PAN3: variants seen among roughly 807,000 people sequenced by gnomAD.
PAN3 encodes the protein poly(A) specific ribonuclease subunit PAN3.
In PAN3, 19 loss-of-function variants were observed where a neutral mutation model predicts 96.2. That is an observed-to-expected ratio of 0.20 (90% confidence interval 0.14 to 0.29). The LOEUF (loss-of-function observed/expected upper bound fraction) is 0.29. PAN3 is among the 10% of genes least tolerant of loss of function. The pLI is 1.00. For missense variants in PAN3, 882 were observed against 1,108.1 expected (o/e 0.80, Z 2.90); for synonymous variants, 433 against 406.6 (o/e 1.06, Z -0.78).
At chr13:28,285,554 A>T (rs571047713) in intron 17 of PAN3, among the ~76,000 whole-genome samples, 4 of 152,290 alleles carry the variant, frequency 2.6e-5, no homozygotes, top group South Asian at 4.1e-4. Flanking sequence ...TTAATCTTGG[A>T]AACTTAACGT....
chr13:28,220,991 T>A (rs1426607529), intron 6 of PAN3, among the ~76,000 whole-genome samples: 1 of 152,134 alleles, frequency 6.6e-6, no homozygotes, highest in East Asian at 1.9e-4. Context: ...ACAGAACAAT[T>A]TGGGCAAATG....
intron 6 of PAN3, among the ~76,000 whole-genome samples, chr13:28,253,879 CT>C (rs1884936159): frequency 6.6e-6 from 1 of 152,176 alleles, no homozygotes; most frequent in African/African-American, 2.4e-5. Flanking sequence ...ATTTAGAATT[CT>C]TAAGAGAACT....
intron 4 of PAN3, among the ~76,000 whole-genome samples, chr13:28,194,789 G>GTA (rs1408591303): frequency 6.6e-6 from 1 of 151,892 alleles, no homozygotes; most frequent in East Asian, 1.9e-4. Flanking sequence ...TTTTAAATTA[G>GTA]TAAGTGTCTA....
At chr13:28,260,601 A>G in intron 8 of PAN3, 50 bp downstream of exon 8, 1 of 1,411,698 alleles carries the variant, frequency 7.1e-7, no homozygotes, top group South Asian at 1.2e-5. Context: ...CCTGTGCTTT[A>G]GTGAACAGGG....
intron 5 of PAN3, among the ~76,000 whole-genome samples, chr13:28,200,515 C>G (rs1473700200): frequency 6.6e-6 from 1 of 152,188 alleles, no homozygotes; most frequent in African/African-American, 2.4e-5. Context: ...TGCATTTATT[C>G]TCTTCAGTGC....
intron 4 of PAN3, among the ~76,000 whole-genome samples, chr13:28,189,561 A>G (rs1876955083): frequency 6.6e-6 from 1 of 152,086 alleles, no homozygotes; most frequent in South Asian, 2.1e-4. Flanking sequence ...CAGTGTTAAG[A>G]TCAAGCTCCA....
chr13:28,232,137 A>G (rs1357460492), intron 6 of PAN3, among the ~76,000 whole-genome samples: 2 of 152,198 alleles, frequency 1.3e-5, no homozygotes, highest in African/African-American at 4.8e-5. Context: ...CTTTATTTGT[A>G]ATATCTTTGT....
At chr13:28,158,938 T>C (rs972384535) in intron 1 of PAN3, among the ~76,000 whole-genome samples, 3 of 150,540 alleles carry the variant, frequency 2.0e-5, no homozygotes, top group Non-Finnish European at 2.9e-5. Flanking sequence ...CAAAACCACA[T>C]TGAGATACCA....
At chr13:28,268,435 C>T (rs1886360581) in intron 12 of PAN3, among the ~76,000 whole-genome samples, 1 of 151,944 alleles carries the variant, frequency 6.6e-6, no homozygotes, top group African/African-American at 2.4e-5. Flanking sequence ...GTAACTTTTC[C>T]TTAAACATGA....
rs565257188 is a variant in PAN3 at position 28,172,985 on chromosome 13, C to G, written c.431-1287C>G. Among the ~76,000 whole-genome samples, 39 of 152,274 alleles carry G rather than the reference C, an allele frequency of 2.6e-4. No homozygotes were observed. The South Asian group carries it at 6.6e-3, about 26-fold the overall frequency. On this transcript the variant is annotated intron_variant, in intron 1 of 18. Coordinates refer to ENST00000380958, the MANE Select transcript of PAN3 (RefSeq NM_175854.8). ...TGCCCTCAATATATCCTCTGATTAG[C>G]AGTAGTGGATTTTTAAAGGTAAAAT...
Position 28,201,970 on chromosome 13 carries a change from T to C in PAN3, c.852+4624T>C, listed in dbSNP as rs539579235. 2.4e-4 allele frequency among the ~76,000 whole-genome samples: 36 copies of C among 152,314 alleles called. No homozygotes were observed. The Middle Eastern group carries it at 0.01, about 43-fold the overall frequency. On this transcript the variant is annotated intron_variant, in intron 5 of 18. Transcript: ENST00000380958. ...CTGCTTCGCATATATTCTCCTATAC[T>C]CCTTCTTCAGTTTATGGCATTATCT...
rs1276544207 is a variant in PAN3, at chr13:28,261,418, T to C, written c.1371T>C (p.His457=). 2 of 1,609,682 alleles carry C rather than the reference T, an allele frequency of 1.2e-6. No individual in the cohort carries two copies. Among genetic ancestry groups the C allele is most frequent in the Non-Finnish European group, 1.7e-6 (2 of 1,177,646 alleles). ...TTTCATAGGAGCTGATCAACAGACA[T>C]TTAATAACAATGGCTCAAATTGATC... ...DELRQELINR[H]LITMAQIDQA... is the part of the protein sequence containing the mutation. Residue 457 remains histidine, a synonymous_variant, in exon 9 of 19, where the codon CAT becomes CAC. Coordinates refer to ENST00000380958, the MANE Select transcript of PAN3 (RefSeq NM_175854.8).
chr13:28,232,815 GAC>G (rs1882716771), intron 6 of PAN3, among the ~76,000 whole-genome samples: 1 of 151,954 alleles, frequency 6.6e-6, no homozygotes, highest in Admixed American at 6.5e-5. Flanking sequence ...TTTTTTTAAA[GAC>G]TCCCTTTTAT....
At chr13:28,165,703 CAG>C (rs1196701443) in intron 1 of PAN3, among the ~76,000 whole-genome samples, 2 of 152,062 alleles carry the variant, frequency 1.3e-5, no homozygotes, top group African/African-American at 2.4e-5. Flanking sequence ...TTTTATAGAA[CAG>C]AAATTTATTT....
At chr13:28,156,673 A>G (rs1312483284) in intron 1 of PAN3, among the ~76,000 whole-genome samples, 1 of 152,198 alleles carries the variant, frequency 6.6e-6, no homozygotes, top group Non-Finnish European at 1.5e-5. Flanking sequence ...AAATACTAGC[A>G]AACTGAATCC....
intron 5 of PAN3, among the ~76,000 whole-genome samples, chr13:28,213,284 C>T (rs1880278534): frequency 6.6e-6 from 1 of 152,092 alleles, no homozygotes; most frequent in Non-Finnish European, 1.5e-5. Flanking sequence ...CTACATACAA[C>T]TACTAGGCAT....
chr13:28,259,566 G>T (rs1463554728), intron 7 of PAN3, among the ~76,000 whole-genome samples: 5 of 151,400 alleles, frequency 3.3e-5, no homozygotes, highest in African/African-American at 7.3e-5. Flanking sequence ...TGTTGGCCAG[G>T]CTGGCTCATT....
At chr13:28,150,353 CTGTGGCTCA>C (rs1327503016) in intron 1 of PAN3, among the ~76,000 whole-genome samples, 1 of 152,140 alleles carries the variant, frequency 6.6e-6, no homozygotes, top group African/African-American at 2.4e-5. Context: ...GGGCCAGGCA[CTGTGGCTCA>C]TGCCTGTAAT....
chr13:28,283,686 A>G (rs141942066), intron 17 of PAN3, among the ~76,000 whole-genome samples: 1 of 152,384 alleles, frequency 6.6e-6, no homozygotes, highest in African/African-American at 2.4e-5. Flanking sequence ...GTTTACAAAT[A>G]TGACCTGACT....
Sources: gnomAD v4.1 joint callset for allele counts (sites outside exome capture counted in the v4.1 genomes callset) on GRCh38, gnomAD v4.1.1 for gene constraint, MANE v1.5 for transcripts, NCBI Gene and HGNC (gene_info 2026-07-23, HGNC 2026-07-21) for gene names.